The following ARHGAP35 variants were observed in gnomAD, a reference collection of about 807,000 sequenced individuals.
The protein encoded by ARHGAP35 is rho GTPase-activating protein 35.
ARHGAP35 carries 15 observed loss-of-function variants against 111.1 expected under a neutral mutation model. The ratio of observed to expected loss-of-function variants is 0.13; its 90% CI spans 0.09 to 0.21. The LOEUF (loss-of-function observed/expected upper bound fraction) is 0.21, where lower values mean the gene tolerates loss of function less well. ARHGAP35 is among the 10% of genes least tolerant of loss of function. The probability of loss-of-function intolerance (pLI) is 1.00; values close to 1 mark genes in which losing one functional copy is unlikely to be tolerated. For synonymous variants in ARHGAP35, 643 were observed against 710.3 expected, an observed-to-expected ratio of 0.91 and a Z score of 1.51; for missense variants, 1,262 against 1,873.0, an observed-to-expected ratio of 0.67 and a Z score of 6.02.
intron 1 of ARHGAP35, among the ~76,000 whole-genome samples, chr19:46,868,449 T>C (rs973346308): frequency 6.6e-6 from 1 of 152,224 alleles, no homozygotes; most frequent in African/African-American, 2.4e-5. Context: ...TGGGATGTGA[T>C]CCTGTATTAA....
intron 3 of ARHGAP35, among the ~76,000 whole-genome samples, chr19:46,987,315 A>G (rs1029837019): frequency 6.8e-6 from 1 of 147,316 alleles, no homozygotes; most frequent in Non-Finnish European, 1.5e-5. Flanking sequence ...TCCTGGGTTC[A>G]AGCAATTCTC....
chr19:46,913,238 G>T (rs2056147232), intron 1 of ARHGAP35, among the ~76,000 whole-genome samples: 1 of 149,652 alleles, frequency 6.7e-6, no homozygotes, highest in Non-Finnish European at 1.5e-5. Flanking sequence ...ACTTCGGGGA[G>T]AGAGGGATGA....
chr19:46,960,357 G>A (rs2056472610), intron 3 of ARHGAP35, among the ~76,000 whole-genome samples: 1 of 152,152 alleles, frequency 6.6e-6, no homozygotes, highest in Non-Finnish European at 1.5e-5. Context: ...AGGAGCCAAT[G>A]TAGACCAATA....
intron 3 of ARHGAP35, among the ~76,000 whole-genome samples, chr19:46,952,485 C>A (rs1041281057): frequency 2.0e-5 from 3 of 152,184 alleles, no homozygotes; most frequent in Non-Finnish European, 2.9e-5. Context: ...GTCAGTAATT[C>A]TCAAATGTGC....
intron 5 of ARHGAP35, among the ~76,000 whole-genome samples, chr19:46,990,787 C>T (rs2056675498): frequency 6.6e-6 from 1 of 152,210 alleles, no homozygotes; most frequent in African/African-American, 2.4e-5. Context: ...CTGAAGGAGA[C>T]AGGTGTGCAA....
At chr19:46,984,327 T>C (rs1285060594) in intron 3 of ARHGAP35, among the ~76,000 whole-genome samples, 1 of 152,166 alleles carries the variant, frequency 6.6e-6, no homozygotes, top group African/African-American at 2.4e-5. Flanking sequence ...TGTTTCCATG[T>C]AGGAACAGTG....
chr19:46,868,569 A>G (rs1042919071), intron 1 of ARHGAP35, among the ~76,000 whole-genome samples: 3 of 152,234 alleles, frequency 2.0e-5, no homozygotes, highest in African/African-American at 7.2e-5. Context: ...TTTAGCCAGC[A>G]TATTTGGAAA....
At chr19:46,980,746 T>G (rs7248026) in intron 3 of ARHGAP35, among the ~76,000 whole-genome samples, 37,063 of 152,070 alleles carry the variant, frequency 0.24, 4,755 homozygotes, top group Non-Finnish European at 0.29. Context: ...ACGGTCAGAT[T>G]AGCTGAGGTC....
intron 3 of ARHGAP35, among the ~76,000 whole-genome samples, chr19:46,957,939 T>C (rs1465036323): frequency 6.6e-6 from 1 of 152,142 alleles, no homozygotes; most frequent in African/African-American, 2.4e-5. Context: ...GTGAGAACAC[T>C]GAGGAGGGAG....
rs2056767404 is a variant in ARHGAP35 at position 47,004,924 on chromosome 19, A to G, written c.*4236A>G. 1 of 152,192 alleles carries G rather than the reference A, an allele frequency of 6.6e-6. No individual in the cohort carries two copies. Among genetic ancestry groups the G allele is most frequent in the South Asian group, 2.1e-4 (1 of 4,834 alleles). 9.4% of individuals were successfully genotyped at this position (152,192 alleles called of 1,614,324 possible). A position where few individuals can be genotyped will look rare whatever the true frequency, so the allele number is the denominator to read the frequency against. On this transcript the variant is annotated 3_prime_UTR_variant, in exon 7 of 7. Transcript: ENST00000672722. ...GTCAGCCCTCAATGAAGGCTGAGGC[A>G]TCTCTGACTGAGGTGTTTTTGTTTG...
At chr19:46,872,723 A>G (rs1388885851) in intron 1 of ARHGAP35, among the ~76,000 whole-genome samples, 1 of 151,994 alleles carries the variant, frequency 6.6e-6, no homozygotes, top group African/African-American at 2.4e-5. Context: ...TACTAAAAAT[A>G]CAAAAAAATT....
At chr19:46,965,055 G>A (rs2056505005) in intron 3 of ARHGAP35, among the ~76,000 whole-genome samples, 2 of 152,220 alleles carry the variant, frequency 1.3e-5, no homozygotes, top group African/African-American at 4.8e-5. Flanking sequence ...GCTCACGCCT[G>A]TAATCCCAGC....
intron 3 of ARHGAP35, among the ~76,000 whole-genome samples, chr19:46,966,369 CGA>C (rs2056515286): frequency 6.6e-6 from 1 of 152,050 alleles, no homozygotes; most frequent in Admixed American, 6.6e-5. Context: ...AGCAACATAT[CGA>C]GACTCTGTCT....
intron 2 of ARHGAP35, among the ~76,000 whole-genome samples, chr19:46,923,571 G>A (rs920902800): frequency 1.4e-4 from 21 of 151,544 alleles, no homozygotes; most frequent in African/African-American, 4.8e-4. Flanking sequence ...GGAGTAGGGA[G>A]AAATACTCTT....
intron 3 of ARHGAP35, among the ~76,000 whole-genome samples, chr19:46,942,801 G>A (rs1251880828): frequency 8.9e-6 from 1 of 111,922 alleles, no homozygotes; most frequent in Non-Finnish European, 1.7e-5. Flanking sequence ...GGGCAACAGA[G>A]CAAGACCCTG....
intron 3 of ARHGAP35, among the ~76,000 whole-genome samples, chr19:46,962,690 T>A (rs936936303): frequency 2.0e-5 from 3 of 152,170 alleles, no homozygotes; most frequent in African/African-American, 2.4e-5. Context: ...CATTGCAACC[T>A]CCACCTCCCA....
At chr19:46,924,095 C>T (rs904894909) in intron 2 of ARHGAP35, among the ~76,000 whole-genome samples, 4 of 152,128 alleles carry the variant, frequency 2.6e-5, no homozygotes, top group African/African-American at 9.7e-5. Flanking sequence ...TTGCTACTCT[C>T]CCTCCCATGA....
At chr19:46,983,404 A>T (rs1156518804) in intron 3 of ARHGAP35, among the ~76,000 whole-genome samples, 6 of 152,164 alleles carry the variant, frequency 3.9e-5, no homozygotes. Context: ...CCTCATACAG[A>T]GTAAGCATTT....
rs1599811083 is a variant in ARHGAP35 at position 46,908,784 on chromosome 19, G to T, written c.-188-9704G>T. On this transcript the variant is annotated intron_variant, in intron 1 of 6. Coordinates refer to ENST00000672722, the MANE Select transcript of ARHGAP35 (RefSeq NM_004491.5). This position sits in a 1 kb window ranked among gnomAD's most constrained non-coding sequence, Gnocchi z 4.2. Reference sequence around the variant, plus strand: ...GAGTTCTGCAAGCCTGGAAGCATGAGAACTGTGGCGGGGGAAAAATGGGCT... The same window carrying T: ...GAGTTCTGCAAGCCTGGAAGCATGATAACTGTGGCGGGGGAAAAATGGGCT... Among the ~76,000 whole-genome samples, 3 of 152,234 alleles carry T rather than the reference G, an allele frequency of 2.0e-5. No homozygotes were observed. In the East Asian group the frequency reaches 5.8e-4, roughly 29 times the overall value.
Sources: gnomAD v4.1 joint callset for allele counts (sites outside exome capture counted in the v4.1 genomes callset) on GRCh38, gnomAD v4.1.1 for gene constraint, Gnocchi (gnomAD v3.1) non-coding constraint, MANE v1.5 for transcripts, NCBI Gene and HGNC (gene_info 2026-07-23, HGNC 2026-07-21) for gene names.